The following EFNA5 variants were observed in gnomAD, a reference collection of about 807,000 sequenced individuals.
EFNA5 encodes the protein ephrin-A5.
EFNA5 carries 5 observed loss-of-function variants against 22.9 expected under a neutral mutation model. The ratio of observed to expected loss-of-function variants is 0.22; its 90% CI spans 0.11 to 0.46. The LOEUF (loss-of-function observed/expected upper bound fraction) is 0.46. Ranked by LOEUF, EFNA5 falls within the 20% of genes least tolerant of loss-of-function variation. The pLI, the probability that EFNA5 is intolerant of heterozygous loss-of-function variation, is 0.99. For missense variants in EFNA5, 237 were observed against 293.3 expected, an observed-to-expected ratio of 0.81 and a Z score of 1.40; for synonymous variants, 113 against 112.2, an observed-to-expected ratio of 1.01 and a Z score of -0.04.
intron 1 of EFNA5, among the ~76,000 whole-genome samples, chr5:107,543,315 C>G (rs570543935): frequency 5.3e-4 from 81 of 152,352 alleles, no homozygotes; most frequent in African/African-American, 1.9e-3. Context: ...GCAACTTCTT[C>G]AAAGGCCCTT....
chr5:107,550,817 T>A (rs1282847697), intron 1 of EFNA5, among the ~76,000 whole-genome samples: 1 of 152,156 alleles, frequency 6.6e-6, no homozygotes, highest in Non-Finnish European at 1.5e-5. Context: ...CTACCAGTAT[T>A]TTGGTATTCT....
intron 1 of EFNA5, among the ~76,000 whole-genome samples, chr5:107,495,284 C>A (rs940804456): frequency 6.6e-5 from 10 of 152,166 alleles, no homozygotes; most frequent in Admixed American, 6.5e-4. Context: ...GAGGAACGAA[C>A]AACTCCAGAC....
chr5:107,465,977 A>G (rs1210480942), intron 1 of EFNA5, among the ~76,000 whole-genome samples: 1 of 152,090 alleles, frequency 6.6e-6, no homozygotes, highest in East Asian at 1.9e-4. Context: ...AAGACCGGGT[A>G]TCTCATTTTC....
intron 1 of EFNA5, among the ~76,000 whole-genome samples, chr5:107,665,311 G>A (rs779900906): frequency 6.6e-6 from 1 of 152,188 alleles, no homozygotes; most frequent in Non-Finnish European, 1.5e-5. Flanking sequence ...ACAGAATGCA[G>A]TGAAATGCCT....
At chr5:107,397,755 C>A (rs2112384655) in intron 2 of EFNA5, among the ~76,000 whole-genome samples, 1 of 152,254 alleles carries the variant, frequency 6.6e-6, no homozygotes, top group Middle Eastern at 3.4e-3. Context: ...AACGTTCTCT[C>A]TGTAGAAGAT....
At position 107,670,731 on chromosome 5, in the gene EFNA5, A is replaced by C. The variant is rs1751179699; in HGVS notation, c.-118T>G. The C allele has an allele frequency of 2.9e-6, 4 of 1,401,032 alleles. No individual in the cohort carries two copies. Among genetic ancestry groups the C allele is most frequent in the South Asian group, 1.3e-5 (1 of 75,564 alleles). The allele number at this position is 1,401,032 out of a possible 1,614,324, so 86.8% of individuals were successfully genotyped here. On this transcript the variant is annotated 5_prime_UTR_variant, in exon 1 of 5. The change creates a new upstream start codon in the 5' untranslated region. Coordinates refer to ENST00000333274, the MANE Select transcript of EFNA5 (RefSeq NM_001962.3). ...AGCGGGCGCCAAATAAATATGAATAAATAAAAATGAAAGTGGGCGAGAAAG... is the reference window on the plus strand; with the variant it reads ...AGCGGGCGCCAAATAAATATGAATACATAAAAATGAAAGTGGGCGAGAAAG...
chr5:107,506,356 T>C (rs1403050091), intron 1 of EFNA5, among the ~76,000 whole-genome samples: 1 of 152,246 alleles, frequency 6.6e-6, no homozygotes, highest in African/African-American at 2.4e-5. Context: ...CATTGGAACA[T>C]TACAATTTAG....
chr5:107,539,511 T>C (rs1000665366), intron 1 of EFNA5, among the ~76,000 whole-genome samples: 2 of 152,190 alleles, frequency 1.3e-5, no homozygotes, highest in Non-Finnish European at 2.9e-5. Flanking sequence ...CAGGCTGAAG[T>C]GCAGTGGGGT....
At chr5:107,435,991 T>C (rs115074950) in intron 1 of EFNA5, among the ~76,000 whole-genome samples, 2,399 of 152,326 alleles carry the variant, frequency 0.016, 51 homozygotes, top group African/African-American at 0.055. Flanking sequence ...GTCACTTTTT[T>C]TCTTGTATGT....
chr5:107,536,575 G>T (rs955802591), intron 1 of EFNA5, among the ~76,000 whole-genome samples: 1 of 152,042 alleles, frequency 6.6e-6, no homozygotes, highest in African/African-American at 2.4e-5. Flanking sequence ...ATTTCTAAAG[G>T]ATGGTCAACA....
At chr5:107,636,535 T>C (rs1029314344) in intron 1 of EFNA5, among the ~76,000 whole-genome samples, 1 of 152,236 alleles carries the variant, frequency 6.6e-6, no homozygotes, top group Non-Finnish European at 1.5e-5. Context: ...AAGCTATTAA[T>C]GAAACAGAAA....
chr5:107,432,338 G>A (rs940138048), intron 1 of EFNA5, among the ~76,000 whole-genome samples: 1 of 152,224 alleles, frequency 6.6e-6, no homozygotes, highest in African/African-American at 2.4e-5. Flanking sequence ...TAGGAAGACT[G>A]ATTCTGCATG....
At chr5:107,633,095 T>G (rs557045903) in intron 1 of EFNA5, among the ~76,000 whole-genome samples, 1 of 152,284 alleles carries the variant, frequency 6.6e-6, no homozygotes, top group South Asian at 2.1e-4. Flanking sequence ...TAGTCTAAAT[T>G]GAGGTCATTT....
chr5:107,507,199 T>C (rs1297289880), intron 1 of EFNA5, among the ~76,000 whole-genome samples: 1 of 152,136 alleles, frequency 6.6e-6, no homozygotes, highest in Non-Finnish European at 1.5e-5. Context: ...CCCACAGCAT[T>C]TTAGAGATGA....
intron 1 of EFNA5, among the ~76,000 whole-genome samples, chr5:107,491,878 G>A (rs181277118): frequency 1.9e-4 from 29 of 152,116 alleles, no homozygotes; most frequent in Admixed American, 1.4e-3. Flanking sequence ...TGTCGCCCAG[G>A]CTAGAGTGTG....
Position 107,546,307 on chromosome 5 carries a change from G to T in EFNA5, c.126-118798C>A, listed in dbSNP as rs193056489. Among the ~76,000 whole-genome samples, 180 of 152,218 alleles carry T rather than the reference G, an allele frequency of 1.2e-3. 1 individual carries two copies. The East Asian group carries it at 0.025, about 21-fold the overall frequency. ...GGTCATCTCCAGCACATCTGCTCAG[G>T]TGCTGACAAATGATGAATTCCACCT... On this transcript the variant is annotated intron_variant, in intron 1 of 4. Transcript: ENST00000333274.
At chr5:107,649,993 G>T (rs1411052978) in intron 1 of EFNA5, among the ~76,000 whole-genome samples, 1 of 152,110 alleles carries the variant, frequency 6.6e-6, no homozygotes, top group Non-Finnish European at 1.5e-5. Context: ...AGCATCATGG[G>T]CCAGCCCTTG....
chr5:107,643,871 T>TTAATAATAATAATAA (rs148571029), intron 1 of EFNA5, among the ~76,000 whole-genome samples: 1 of 146,196 alleles, frequency 6.8e-6, no homozygotes, highest in African/African-American at 2.6e-5. Flanking sequence ...TCTATTTTCT[T>TTAATAATAATAATAA]TAATAATAAT....
At chr5:107,430,134 C>G (rs1748909830) in intron 1 of EFNA5, among the ~76,000 whole-genome samples, 1 of 152,164 alleles carries the variant, frequency 6.6e-6, no homozygotes, top group African/African-American at 2.4e-5. Flanking sequence ...TCATTACTAG[C>G]AGACAATGAT....
Sources: allele counts gnomAD v4.1 joint callset (sites outside exome capture counted in the v4.1 genomes callset), GRCh38; gene constraint gnomAD v4.1.1; transcripts MANE v1.5; gene names NCBI Gene and HGNC (gene_info 2026-07-23, HGNC 2026-07-21).